Variants in WIPF2 observed in about 807,000 individuals in gnomAD.
WIPF2 encodes WAS/WASL-interacting protein family member 2.
WIPF2 carries 23 observed loss-of-function variants against 38.8 expected under a neutral mutation model. The ratio of observed to expected loss-of-function variants is 0.59; its 90% CI spans 0.43 to 0.84. The LOEUF is 0.84. Among genes scored for constraint, WIPF2 ranks in the 40% least tolerant of loss-of-function variants. WIPF2 has a pLI of 0.00. For missense variants in WIPF2, 574 were observed against 580.5 expected, an observed-to-expected ratio of 0.99 and a Z score of 0.11; for synonymous variants, 210 against 223.2, an observed-to-expected ratio of 0.94 and a Z score of 0.53.
chr17:40,240,466 G>A (rs970762097), intron 1 of WIPF2, among the ~76,000 whole-genome samples: 12 of 150,918 alleles, frequency 8.0e-5, no homozygotes, highest in African/African-American at 2.9e-4. Flanking sequence ...TGATTCAGAA[G>A]TTCATCTGTG....
intron 5 of WIPF2, among the ~76,000 whole-genome samples, chr17:40,269,135 A>G (rs1422473435): frequency 2.0e-5 from 3 of 152,170 alleles, no homozygotes; most frequent in South Asian, 2.1e-4. Context: ...CCTGGCCAAC[A>G]TGGTGAAACC....
At chr17:40,262,077 CTTTT>C (rs34246534) in intron 3 of WIPF2, among the ~76,000 whole-genome samples, 14 of 122,578 alleles carry the variant, frequency 1.1e-4, no homozygotes, top group Admixed American at 1.7e-4. Flanking sequence ...TTTCTTTTCT[CTTTT>C]TTTTTTTTTT....
intron 1 of WIPF2, among the ~76,000 whole-genome samples, chr17:40,231,454 T>G (rs1047786923): frequency 1.4e-5 from 2 of 144,624 alleles, no homozygotes; most frequent in Non-Finnish European, 1.5e-5. Context: ...TGAGACGGAG[T>G]CTTGCTCTGT....
rs1412430557 is a variant in WIPF2, at chr17:40,229,255, G to A, written c.-70+9763G>A. 2.0e-5 allele frequency among the ~76,000 whole-genome samples: 3 copies of A among 149,926 alleles called. No individual in the cohort carries two copies. In the East Asian group the frequency reaches 6.0e-4, roughly 30 times the overall value. ...GCTTCCCGAGTAGCTAGGATTACAG[G>A]CATGCATCACCACGCCCGGCTAATT... On this transcript the variant is annotated intron_variant, in intron 1 of 7. Coordinates refer to ENST00000323571, the MANE Select transcript of WIPF2 (RefSeq NM_133264.5).
At position 40,281,083 on chromosome 17, in the gene WIPF2, C is replaced by T. The variant is rs1166669146; in HGVS notation, c.*2858C>T. 1 of 152,512 alleles carries T rather than the reference C, an allele frequency of 6.6e-6. No individual in the cohort carries two copies. The highest frequency in any genetic ancestry group is 1.5e-5 in the Non-Finnish European group (1 of 68,044). 9.4% of individuals were successfully genotyped at this position (152,512 alleles called of 1,614,324 possible). A position where few individuals can be genotyped will look rare whatever the true frequency, so the allele number is the denominator to read the frequency against. ...GCTACAAGAGCACTAAAACTCCTCA[C>T]CTTTTAAACTGCTCTTTTTATCTGC... is the stretch of plus-strand genomic sequence containing the variant. On this transcript the variant is annotated 3_prime_UTR_variant, in exon 8 of 8. Coordinates refer to ENST00000323571, the MANE Select transcript of WIPF2 (RefSeq NM_133264.5).
chr17:40,257,968 T>C (rs2031781105), intron 2 of WIPF2, among the ~76,000 whole-genome samples: 3 of 152,354 alleles, frequency 2.0e-5, no homozygotes, highest in Admixed American at 2.0e-4. Flanking sequence ...GTTTCTGAAC[T>C]AGGACTAGAG....
intron 6 of WIPF2, among the ~76,000 whole-genome samples, chr17:40,274,631 A>G (rs981368847): frequency 6.6e-6 from 1 of 150,562 alleles, no homozygotes; most frequent in Non-Finnish European, 1.5e-5. Flanking sequence ...AAAAGAAGAA[A>G]GAATGACAAA....
At chr17:40,260,111 G>A (rs2031849958) in intron 2 of WIPF2, among the ~76,000 whole-genome samples, 2 of 150,436 alleles carry the variant, frequency 1.3e-5, no homozygotes, top group Admixed American at 1.3e-4. Flanking sequence ...ATCTAATGAG[G>A]TTAGATAGAC....
intron 1 of WIPF2, among the ~76,000 whole-genome samples, chr17:40,247,745 C>T (rs1192577077): frequency 6.6e-6 from 1 of 152,038 alleles, no homozygotes; most frequent in Admixed American, 6.6e-5. Context: ...TGGTCTCAAA[C>T]TCCTGACCTC....
In WIPF2 at chr17:40,219,394, G is replaced by GCGGCGGCGGCGGCGA. The variant is rs930602459; in HGVS notation, c.-163_-162insGCGGCGGCGACGGCG. 1.9e-5 allele frequency: 8 copies of GCGGCGGCGGCGGCGA among 416,486 alleles called. No individual in the cohort carries two copies. The highest frequency in any genetic ancestry group is 3.6e-5 in the Non-Finnish European group (8 of 219,770). 25.8% of individuals were successfully genotyped at this position (416,486 alleles called of 1,614,324 possible). On this transcript the variant is annotated 5_prime_UTR_variant, in exon 1 of 8. Coordinates refer to ENST00000323571, the MANE Select transcript of WIPF2 (RefSeq NM_133264.5). Reference sequence around the variant, plus strand: ...GGCGGCGGCGGCGGCGGCGGCGGCGGCGGCGACGGCGAGAAAGAGCTTGCC... The same window carrying GCGGCGGCGGCGGCGA: ...GGCGGCGGCGGCGGCGGCGGCGGCGGCGGCGGCGGCGGCGACGGCGACGGCGAGAAAGAGCTTGCC...
Position 40,264,507 on chromosome 17 carries a change from C to G in WIPF2, c.331C>G (p.Pro111Ala). 1 of 1,614,096 alleles carries G rather than the reference C, an allele frequency of 6.2e-7. No individual in the cohort carries two copies. The change falls in exon 5 of 8, where the codon CCA (proline) becomes GCA (alanine). Residue 111 changes from proline to alanine, a missense_variant. Transcript: ENST00000323571. Reference protein sequence around the residue: ...KDGSENLAGKPALQIPSSRAA... With the variant: ...KDGSENLAGKAALQIPSSRAA... The stretch of plus-strand genomic sequence containing the variant: ...ATTTGTAGAGAACCTAGCTGGTAAG[C>G]CAGCCCTGCAAATCCCCAGTTCTCG...
intron 1 of WIPF2, among the ~76,000 whole-genome samples, chr17:40,244,285 C>T (rs1036935706): frequency 3.3e-5 from 5 of 152,088 alleles, no homozygotes; most frequent in African/African-American, 4.8e-5. Context: ...TGGTTCCTGC[C>T]GTTGTTGGCT....
intron 1 of WIPF2, among the ~76,000 whole-genome samples, chr17:40,228,379 A>G (rs918692077): frequency 1.9e-4 from 29 of 151,910 alleles, no homozygotes; most frequent in African/African-American, 7.0e-4. Context: ...CCTACCTTAC[A>G]CTGATAGACA....
chr17:40,242,846 C>G lies in WIPF2; in HGVS notation c.-69-13545C>G, dbSNP rs1256916719. Among the ~76,000 whole-genome samples, 3 of 152,200 alleles carry G rather than the reference C, an allele frequency of 2.0e-5. No individual in the cohort carries two copies. In the East Asian group the frequency reaches 5.8e-4, roughly 29 times the overall value. On this transcript the variant is annotated intron_variant, in intron 1 of 7. Transcript: ENST00000323571. ...ACTGCAGTTGACTATTTTCTGTACA[C>G]GTCCGCCTATCTCCCAGTGCTGTAC... is the stretch of plus-strand genomic sequence containing the variant.
chr17:40,274,056 G>T, intron 6 of WIPF2, 57 bp downstream of exon 6: 1 of 1,403,012 alleles, frequency 7.1e-7, no homozygotes, highest in East Asian at 2.6e-5. Flanking sequence ...ACCCACTCCA[G>T]TGCCATGGCT....
chr17:40,259,396 C>T (rs919347124), intron 2 of WIPF2, among the ~76,000 whole-genome samples: 29 of 150,782 alleles, frequency 1.9e-4, no homozygotes, highest in African/African-American at 7.1e-4. Context: ...GATCGCACCA[C>T]TGTGCTCCAG....
chr17:40,234,393 A>G (rs773334571), intron 1 of WIPF2, among the ~76,000 whole-genome samples: 7 of 152,160 alleles, frequency 4.6e-5, no homozygotes, highest in Non-Finnish European at 7.3e-5. Context: ...AGATTGCGCC[A>G]CTGCACTCAA....
chr17:40,268,662 C>T (rs1048105698), intron 5 of WIPF2, among the ~76,000 whole-genome samples: 8 of 152,066 alleles, frequency 5.3e-5, no homozygotes, highest in Middle Eastern at 3.2e-3. Context: ...AACTCTTGGG[C>T]TCAAGCCATC....
intron 5 of WIPF2, among the ~76,000 whole-genome samples, chr17:40,269,764 C>T (rs1275883299): frequency 2.0e-5 from 3 of 150,550 alleles, no homozygotes; most frequent in African/African-American, 7.3e-5. Context: ...GCTACCATAC[C>T]CGACTAATTT....
Sources: gnomAD v4.1 joint callset for allele counts (sites outside exome capture counted in the v4.1 genomes callset) on GRCh38, gnomAD v4.1.1 for gene constraint, MANE v1.5 for transcripts, NCBI Gene and HGNC (gene_info 2026-07-23, HGNC 2026-07-21) for gene names.